DLG2: variants seen among roughly 807,000 people sequenced by gnomAD.
DLG2 encodes discs large MAGUK scaffold protein 2.
Under a neutral mutation model 132.5 loss-of-function variants are expected in DLG2, and 45 were observed. The ratio of observed to expected loss-of-function variants is 0.34; its 90% CI spans 0.27 to 0.44. DLG2 has a LOEUF of 0.44. Ranked by LOEUF, DLG2 falls within the 20% of genes least tolerant of loss-of-function variation. The probability of loss-of-function intolerance (pLI) is 1.00; values close to 1 mark genes in which losing one functional copy is unlikely to be tolerated. For synonymous variants in DLG2, 424 were observed against 419.6 expected (o/e 1.01, Z -0.13); for missense variants, 1,045 against 1,196.9 (o/e 0.87, Z 1.87).
intron 6 of DLG2, among the ~76,000 whole-genome samples, chr11:85,101,216 T>G (rs2070792748): frequency 6.6e-6 from 1 of 152,064 alleles, no homozygotes; most frequent in Admixed American, 6.6e-5. Flanking sequence ...CTCTCTTGAA[T>G]TTCCATACAC....
intron 10 of DLG2, among the ~76,000 whole-genome samples, chr11:84,070,905 G>C (rs906203156): frequency 6.6e-6 from 1 of 152,146 alleles, no homozygotes; most frequent in East Asian, 1.9e-4. Context: ...ATGGAGCAGA[G>C]TCTGAAATTA....
chr11:85,152,888 A>G (rs1305643885), intron 5 of DLG2, among the ~76,000 whole-genome samples: 1 of 152,162 alleles, frequency 6.6e-6, no homozygotes, highest in Non-Finnish European at 1.5e-5. Context: ...TAGTCTCTTA[A>G]TCAACCAGTT....
chr11:85,417,215 T>C (rs1485845807), intron 3 of DLG2, among the ~76,000 whole-genome samples: 2 of 152,212 alleles, frequency 1.3e-5, no homozygotes, highest in African/African-American at 2.4e-5. Flanking sequence ...GTGGTTTTTG[T>C]CTTTGGTTCT....
intron 11 of DLG2, among the ~76,000 whole-genome samples, chr11:84,047,194 T>C (rs1180419780): frequency 6.6e-6 from 1 of 151,708 alleles, no homozygotes; most frequent in Non-Finnish European, 1.5e-5. Flanking sequence ...ACTTTATTTA[T>C]TCTCATTCCT....
intron 3 of DLG2, among the ~76,000 whole-genome samples, chr11:85,546,624 C>G (rs1275811275): frequency 6.6e-6 from 1 of 152,104 alleles, no homozygotes; most frequent in Admixed American, 6.5e-5. Context: ...GTGTGGGAGT[C>G]TAAATCTCTT....
intron 15 of DLG2, among the ~76,000 whole-genome samples, chr11:83,916,791 T>C (rs2076995219): frequency 6.6e-6 from 1 of 152,318 alleles, no homozygotes; most frequent in Admixed American, 6.5e-5. Flanking sequence ...TGATAGGCCA[T>C]GTTTCTTAAC....
chr11:84,133,702 A>T (rs1411680997), intron 9 of DLG2, among the ~76,000 whole-genome samples: 1 of 151,936 alleles, frequency 6.6e-6, no homozygotes, highest in Non-Finnish European at 1.5e-5. Context: ...GCTAGTCTTG[A>T]ACTCCTGGGC....
rs78338282 is a variant in DLG2 at position 84,550,352 on chromosome 11, T to A, written c.358-15621A>T. ...TGCCTTTTCTGTATGTGAGGCCATC[T>A]TACCCAAATTCTACTCACACCTCTA... On this transcript the variant is annotated intron_variant, in intron 6 of 27. Transcript: ENST00000376104. Among the ~76,000 whole-genome samples the A allele has an allele frequency of 2.8e-3, 428 of 152,208 alleles. 2 individuals are homozygous for A. The highest frequency in any genetic ancestry group is 5.5e-3 in the Non-Finnish European group (375 of 68,010).
chr11:85,122,570 T>G (rs1234859095), intron 5 of DLG2, among the ~76,000 whole-genome samples: 1 of 152,132 alleles, frequency 6.6e-6, no homozygotes. Context: ...GACTTTATCT[T>G]GAAGGGCAGT....
At chr11:84,250,780 A>T (rs1274942137) in intron 8 of DLG2, among the ~76,000 whole-genome samples, 1 of 152,228 alleles carries the variant, frequency 6.6e-6, no homozygotes, top group Non-Finnish European at 1.5e-5. Flanking sequence ...TTCATTATAT[A>T]TAGATAGGCT....
chr11:84,685,850 C>T (rs2099737671), intron 6 of DLG2, among the ~76,000 whole-genome samples: 1 of 152,050 alleles, frequency 6.6e-6, no homozygotes, highest in Admixed American at 6.6e-5. Flanking sequence ...GGACCACAGA[C>T]TAATTTTTTG....
At chr11:84,266,737 G>A (rs2097642517) in intron 7 of DLG2, among the ~76,000 whole-genome samples, 1 of 152,222 alleles carries the variant, frequency 6.6e-6, no homozygotes. Flanking sequence ...CACAGAGGCA[G>A]AGTTGGTGGA....
intron 6 of DLG2, among the ~76,000 whole-genome samples, chr11:84,963,094 CA>C (rs1462757204): frequency 2.0e-5 from 3 of 151,908 alleles, no homozygotes; most frequent in African/African-American, 7.2e-5. Flanking sequence ...CAATTCTCAG[CA>C]AAAAAGGTCA....
At chr11:83,507,053 G>A (rs892508840) in intron 21 of DLG2, among the ~76,000 whole-genome samples, 4 of 152,076 alleles carry the variant, frequency 2.6e-5, no homozygotes, top group Non-Finnish European at 5.9e-5. Context: ...ACTGAACTTA[G>A]GAGCAACCAA....
intron 21 of DLG2, among the ~76,000 whole-genome samples, chr11:83,512,336 C>G (rs1052792834): frequency 3.3e-5 from 5 of 152,222 alleles, no homozygotes; most frequent in African/African-American, 1.2e-4. Flanking sequence ...AGACGCAGTT[C>G]TGGCTTGGAT....
At chr11:84,515,999 AAAAAATTAAAAT>A (rs2099271652) in intron 7 of DLG2, among the ~76,000 whole-genome samples, 1 of 151,776 alleles carries the variant, frequency 6.6e-6, no homozygotes, top group African/African-American at 2.4e-5. Context: ...TGAGTTAATT[AAAAAATTAAAAT>A]AAAAATTAAA....
At chr11:85,013,680 C>A (rs2154136446) in intron 6 of DLG2, among the ~76,000 whole-genome samples, 1 of 152,084 alleles carries the variant, frequency 6.6e-6, no homozygotes, top group East Asian at 1.9e-4. Context: ...AAGAAATGCC[C>A]ATAAGAGAAG....
intron 15 of DLG2, among the ~76,000 whole-genome samples, chr11:83,875,560 T>C (rs1322273417): frequency 6.6e-6 from 1 of 152,174 alleles, no homozygotes; most frequent in Non-Finnish European, 1.5e-5. Flanking sequence ...TAGAAAGAGA[T>C]GGCAAGAGAA....
At chr11:84,420,161 C>A (rs187030319) in intron 7 of DLG2, among the ~76,000 whole-genome samples, 144 of 152,208 alleles carry the variant, frequency 9.5e-4, no homozygotes, top group African/African-American at 3.4e-3. Context: ...GTAAAGTATA[C>A]GGTTACTTTA....
Sources: allele counts gnomAD v4.1 joint callset (sites outside exome capture counted in the v4.1 genomes callset), GRCh38; gene constraint gnomAD v4.1.1; transcripts MANE v1.5; gene names NCBI Gene and HGNC (gene_info 2026-07-23, HGNC 2026-07-21).